Variants in MAPK9 observed in about 807,000 individuals in gnomAD.
MAPK9 encodes mitogen-activated protein kinase 9.
A neutral mutation model predicts 57.1 loss-of-function variants in MAPK9; 30 were observed. The ratio of observed to expected loss-of-function variants is 0.53; its 90% CI spans 0.39 to 0.71. The LOEUF (loss-of-function observed/expected upper bound fraction) is 0.71, where lower values mean the gene tolerates loss of function less well. Among genes scored for constraint, MAPK9 ranks in the 30% least tolerant of loss-of-function variants. The probability of loss-of-function intolerance (pLI) is 0.00; values close to 1 mark genes in which losing one functional copy is unlikely to be tolerated. For synonymous variants in MAPK9, 155 were observed against 177.0 expected, an observed-to-expected ratio of 0.88 and a Z score of 0.99; for missense variants, 362 against 521.0, an observed-to-expected ratio of 0.69 and a Z score of 2.97.
At chr5:180,268,806 G>A (rs954770194) in intron 3 of MAPK9, among the ~76,000 whole-genome samples, 166 of 147,904 alleles carry the variant, frequency 1.1e-3, no homozygotes, top group African/African-American at 3.9e-3. Flanking sequence ...CAGCCTGGGC[G>A]ACAGAGCGAG....
At chr5:180,239,022 T>C (rs953722874) in intron 10 of MAPK9, among the ~76,000 whole-genome samples, 15 of 152,298 alleles carry the variant, frequency 9.8e-5, no homozygotes, top group African/African-American at 3.4e-4. Context: ...CTGTAGGGGA[T>C]TGGATATTCT....
chr5:180,286,211 T>A, intron 1 of MAPK9, among the ~76,000 whole-genome samples: 1 of 138,124 alleles, frequency 7.2e-6, no homozygotes, highest in South Asian at 2.4e-4. Flanking sequence ...AGTGGCATGA[T>A]CTCGGCTCAC....
At chr5:180,267,493 C>A (rs560518231) in intron 3 of MAPK9, among the ~76,000 whole-genome samples, 1 of 137,298 alleles carries the variant, frequency 7.3e-6, no homozygotes, top group Admixed American at 8.1e-5. Flanking sequence ...ACCTGGGAGG[C>A]GGAGCTTGCA....
At position 180,247,563 on chromosome 5, in the gene MAPK9, G is replaced by A; in HGVS notation, c.617-53C>T. The stretch of plus-strand genomic sequence containing the variant: ...ATGAAGTGCCATGAACAAAACAAAA[G>A]TGAGGAAAAGGAATTCTAACAGTGC... On this transcript the variant is annotated intron_variant, in intron 6 of 11. Coordinates refer to ENST00000452135, the MANE Select transcript of MAPK9 (RefSeq NM_002752.5). This position sits in a 1 kb window ranked among gnomAD's most constrained non-coding sequence, Gnocchi z 4.5. 1 of 1,488,212 alleles carries A rather than the reference G, an allele frequency of 6.7e-7. No homozygotes were observed. Among genetic ancestry groups the A allele is most frequent in the East Asian group, 2.3e-5 (1 of 43,528 alleles). 92.2% of individuals were successfully genotyped at this position (1,488,212 alleles called of 1,614,324 possible).
chr5:180,236,709 C>G, intron 11 of MAPK9, 183 bp from the exon 12 acceptor site: 1 of 522,104 alleles, frequency 1.9e-6, no homozygotes, highest in South Asian at 3.5e-5. Flanking sequence ...TTCTTTGGGC[C>G]AAGAGTCCCA....
rs1756984971 is a variant in MAPK9, at chr5:180,233,633, C to G, written c.*2751G>C. 2 of 152,132 alleles carry G rather than the reference C, an allele frequency of 1.3e-5. No homozygotes were observed. The highest frequency in any genetic ancestry group is 4.1e-4 in the South Asian group (2 of 4,826). 9.4% of individuals were successfully genotyped at this position (152,132 alleles called of 1,614,324 possible). A position where few individuals can be genotyped will look rare whatever the true frequency, so the allele number is the denominator to read the frequency against. On this transcript the variant is annotated 3_prime_UTR_variant, in exon 12 of 12. Transcript: ENST00000452135. ...TGTAGTCTGTATTATTTTCACCAAC[C>G]AAAACACACATAATATATTTTATTA...
At chr5:180,249,652 C>T (rs1406818498) in intron 5 of MAPK9, among the ~76,000 whole-genome samples, 1 of 152,216 alleles carries the variant, frequency 6.6e-6, no homozygotes, top group African/African-American at 2.4e-5. Flanking sequence ...CAGACAATGT[C>T]ATATAATGCG....
rs957817857 is a variant in MAPK9, at chr5:180,233,363, C to G, written c.*3021G>C. On this transcript the variant is annotated 3_prime_UTR_variant, in exon 12 of 12. Coordinates refer to ENST00000452135, the MANE Select transcript of MAPK9 (RefSeq NM_002752.5). ...GACCTGCATATTGGTGAAGTCAAAA[C>G]TTACTGCCATTAGTTTTGAAAACAC... is the stretch of plus-strand genomic sequence containing the variant. 3.9e-5 allele frequency: 6 copies of G among 152,212 alleles called. No individual in the cohort carries two copies. Among genetic ancestry groups the G allele is most frequent in the Non-Finnish European group, 8.8e-5 (6 of 68,038 alleles). The allele number at this position is 152,212 out of a possible 1,614,324, so 9.4% of individuals were successfully genotyped here.
intron 10 of MAPK9, among the ~76,000 whole-genome samples, chr5:180,238,918 T>A (rs1757423859): frequency 6.6e-6 from 1 of 152,236 alleles, no homozygotes; most frequent in African/African-American, 2.4e-5. Flanking sequence ...CTACATTACA[T>A]CTTTTTCAAT....
chr5:180,240,464 T>G (rs1190357713), intron 9 of MAPK9, among the ~76,000 whole-genome samples: 1 of 152,260 alleles, frequency 6.6e-6, no homozygotes, highest in Admixed American at 6.5e-5. Context: ...ATGTTTAAAC[T>G]GATGGCAAAA....
chr5:180,261,229 T>C lies in MAPK9; in HGVS notation c.450+455A>G, dbSNP rs1167042993. Among the ~76,000 whole-genome samples, 3 of 152,276 alleles carry C rather than the reference T, an allele frequency of 2.0e-5. No homozygotes were observed. The East Asian group carries it at 5.8e-4, about 29-fold the overall frequency. On this transcript the variant is annotated intron_variant, in intron 5 of 11. Coordinates refer to ENST00000452135, the MANE Select transcript of MAPK9 (RefSeq NM_002752.5). ...AGGATAAGAGAAATGGATATGTGGG[T>C]CATTATTTAAGAAAGAGAGTTCTCA...
intron 7 of MAPK9, chr5:180,246,653 T>C (rs998064137): frequency 3.3e-5 from 5 of 152,148 alleles, no homozygotes; most frequent in African/African-American, 9.7e-5. Flanking sequence ...TGAAGAACCA[T>C]GTTAGGGTAA....
At chr5:180,288,268 C>T (rs1353546485) in intron 1 of MAPK9, among the ~76,000 whole-genome samples, 1 of 152,166 alleles carries the variant, frequency 6.6e-6, no homozygotes, top group Non-Finnish European at 1.5e-5. Flanking sequence ...TAAGGAACAA[C>T]TCGATTGCTT....
At chr5:180,261,548 T>G in intron 5 of MAPK9, 136 bp downstream of exon 5, 1 of 920,372 alleles carries the variant, frequency 1.1e-6, no homozygotes, top group Non-Finnish European at 1.6e-6. Flanking sequence ...AATGACTCTC[T>G]TAAAACACCA....
In MAPK9 at chr5:180,238,404, C is replaced by A; in HGVS notation, c.1061-1G>T. The A allele has an allele frequency of 6.3e-7, 1 of 1,599,468 alleles. No individual in the cohort carries two copies. The highest frequency in any genetic ancestry group is 1.1e-5 in the South Asian group (1 of 90,624). ...TCCATGACTTCTTTGTAAATTAGCTCTTTAATAAAAATACAAGTTAAAATG... is the reference window on the plus strand; with the variant it reads ...TCCATGACTTCTTTGTAAATTAGCTATTTAATAAAAATACAAGTTAAAATG... On this transcript the variant is annotated splice_acceptor_variant, in intron 10 of 11. Transcript: ENST00000452135. LOFTEE classifies it high-confidence loss of function.
intron 5 of MAPK9, among the ~76,000 whole-genome samples, chr5:180,252,435 C>T (rs146579625): frequency 6.6e-5 from 10 of 152,290 alleles, no homozygotes; most frequent in Non-Finnish European, 1.3e-4. Flanking sequence ...GCTGGACTAA[C>T]GAGTTAGACT....
chr5:180,259,525 C>T (rs554821305), intron 5 of MAPK9, among the ~76,000 whole-genome samples: 70 of 152,288 alleles, frequency 4.6e-4, no homozygotes, highest in African/African-American at 1.7e-3. Flanking sequence ...AGAACTCACA[C>T]TGGAGAGAAA....
At chr5:180,242,477 T>TC in intron 8 of MAPK9, 96 bp downstream of exon 8, 1 of 1,187,382 alleles carries the variant, frequency 8.4e-7, no homozygotes, top group Non-Finnish European at 1.2e-6. Context: ...AATGACTTTC[T>TC]CTCCCAAAAC....
At chr5:180,284,319 G>A (rs751948627) in intron 1 of MAPK9, among the ~76,000 whole-genome samples, 7 of 152,176 alleles carry the variant, frequency 4.6e-5, no homozygotes, top group Admixed American at 1.3e-4. Context: ...GCCACCATCC[G>A]TCCAGCACAG....
Sources: allele counts gnomAD v4.1 joint callset (sites outside exome capture counted in the v4.1 genomes callset), GRCh38; gene constraint gnomAD v4.1.1; non-coding constraint Gnocchi (gnomAD v3.1); transcripts MANE v1.5; gene names NCBI Gene and HGNC (gene_info 2026-07-23, HGNC 2026-07-21).